Variants in RAPGEF2 observed in about 807,000 individuals in gnomAD.
RAPGEF2 encodes Rap guanine nucleotide exchange factor 2.
Under a neutral mutation model 186.7 loss-of-function variants are expected in RAPGEF2, and 54 were observed. The observed-to-expected ratio is 0.29, with a 90% confidence interval of 0.23 to 0.36. The LOEUF (loss-of-function observed/expected upper bound fraction) is 0.36. Ranked by LOEUF, RAPGEF2 falls within the 10% of genes least tolerant of loss-of-function variation. The pLI is 1.00. For synonymous variants in RAPGEF2, 712 were observed against 705.9 expected (o/e 1.01, Z -0.14); for missense variants, 1,532 against 2,045.0 (o/e 0.75, Z 4.84).
intron 7 of RAPGEF2, among the ~76,000 whole-genome samples, chr4:159,260,992 C>T (rs1362117014): frequency 6.6e-6 from 1 of 152,092 alleles, no homozygotes; most frequent in Non-Finnish European, 1.5e-5. Flanking sequence ...TCAGGTGATT[C>T]TTCCGCCTCG....
At chr4:159,104,746 G>A (rs1489713939) in intron 1 of RAPGEF2, among the ~76,000 whole-genome samples, 1 of 152,110 alleles carries the variant, frequency 6.6e-6, no homozygotes, top group Admixed American at 6.5e-5. Context: ...GTGTTTGAAA[G>A]GTATAGGAGG....
intron 4 of RAPGEF2, among the ~76,000 whole-genome samples, chr4:159,212,804 G>C (rs1237814632): frequency 6.6e-6 from 1 of 152,132 alleles, no homozygotes; most frequent in Non-Finnish European, 1.5e-5. Context: ...AAATCCATAA[G>C]ACTGAAACCC....
chr4:159,131,435 A>G (rs894607274), intron 1 of RAPGEF2, among the ~76,000 whole-genome samples: 3 of 149,090 alleles, frequency 2.0e-5, no homozygotes, highest in South Asian at 2.1e-4. Flanking sequence ...AACGTTTAAG[A>G]TTGATTGATT....
chr4:159,316,522 T>G (rs113582646), intron 9 of RAPGEF2, among the ~76,000 whole-genome samples: 78 of 152,296 alleles, frequency 5.1e-4, no homozygotes, highest in East Asian at 2.1e-3. Flanking sequence ...TGTGTGTTCA[T>G]GTGTTCTCAT....
At chr4:159,296,658 T>C (rs1423160286) in intron 7 of RAPGEF2, among the ~76,000 whole-genome samples, 1 of 152,190 alleles carries the variant, frequency 6.6e-6, no homozygotes. Context: ...AAAAATTAAG[T>C]AAGCTAATGT....
chr4:159,114,566 C>T (rs1452435999), intron 1 of RAPGEF2, among the ~76,000 whole-genome samples: 2 of 152,094 alleles, frequency 1.3e-5, no homozygotes, highest in East Asian at 3.8e-4. Context: ...CACCTTTATT[C>T]CTACCTGAAT....
Position 159,193,201 on chromosome 4 carries a change from T to C in RAPGEF2, c.142T>C (p.Leu48=). ...CTCATGTTTTTATCTCTTTTACAGGTTAATGTGTGAAACTGTGAGATATGA... is the reference window on the plus strand; with the variant it reads ...CTCATGTTTTTATCTCTTTTACAGGCTAATGTGTGAAACTGTGAGATATGA... ...LSNLREHQLR[L]MCETVRYERH... is the part of the protein sequence containing the mutation. Residue 48 remains leucine (L), a splice_region_variant and synonymous_variant, in exon 3 of 30, where the codon TTA becomes CTA. Transcript: ENST00000691494. 1 of 1,495,914 alleles carries C rather than the reference T, an allele frequency of 6.7e-7. No homozygotes were observed. Among genetic ancestry groups the C allele is most frequent in the South Asian group, 1.3e-5 (1 of 76,366 alleles). The allele number at this position is 1,495,914 out of a possible 1,614,324, so 92.7% of individuals were successfully genotyped here.
At chr4:159,178,642 C>T (rs1205060042) in intron 1 of RAPGEF2, among the ~76,000 whole-genome samples, 2 of 149,198 alleles carry the variant, frequency 1.3e-5, no homozygotes, top group African/African-American at 2.5e-5. Context: ...ACTGCAACCT[C>T]CACCTCCCGG....
Position 159,104,146 on chromosome 4 carries a change from C to G in RAPGEF2, c.-17C>G. The G allele has an allele frequency of 1.3e-6, 2 of 1,516,150 alleles. No homozygotes were observed. Among genetic ancestry groups the G allele is most frequent in the Non-Finnish European group, 1.8e-6 (2 of 1,135,952 alleles). 93.9% of individuals were successfully genotyped at this position (1,516,150 alleles called of 1,614,324 possible). On this transcript the variant is annotated 5_prime_UTR_variant, in exon 1 of 30. Transcript: ENST00000691494. ...GGCCAGGGTGCGGAGCGGCCCCGGC[C>G]CGCTCCCAGAGGGGAGATGGCGTCC... is the stretch of plus-strand genomic sequence containing the variant.
At chr4:159,146,776 T>C (rs1301588199) in intron 1 of RAPGEF2, among the ~76,000 whole-genome samples, 1 of 152,188 alleles carries the variant, frequency 6.6e-6, no homozygotes, top group African/African-American at 2.4e-5. Context: ...CTCCCAGCTT[T>C]TCTTTGGTAT....
intron 7 of RAPGEF2, among the ~76,000 whole-genome samples, chr4:159,295,772 C>T (rs1280778739): frequency 3.4e-5 from 5 of 146,908 alleles, no homozygotes; most frequent in East Asian, 2.0e-4. Context: ...CGCGCGCGCG[C>T]GCATGCACAT....
intron 1 of RAPGEF2, among the ~76,000 whole-genome samples, chr4:159,114,715 A>G (rs1276424859): frequency 1.3e-5 from 2 of 152,240 alleles, no homozygotes; most frequent in African/African-American, 4.8e-5. Flanking sequence ...CAAAATAGAA[A>G]AATTGTGGTA....
intron 7 of RAPGEF2, among the ~76,000 whole-genome samples, chr4:159,299,729 G>A (rs1486503119): frequency 2.0e-5 from 3 of 151,724 alleles, no homozygotes; most frequent in East Asian, 1.9e-4. Flanking sequence ...GTTCAAGATC[G>A]AGTTCATTTA....
chr4:159,206,334 G>C (rs961370227), intron 3 of RAPGEF2, among the ~76,000 whole-genome samples: 2 of 152,164 alleles, frequency 1.3e-5, no homozygotes, highest in Admixed American at 6.5e-5. Context: ...TCGTTGTGGT[G>C]CTGGAAGTTG....
intron 4 of RAPGEF2, among the ~76,000 whole-genome samples, chr4:159,231,314 A>G (rs888807273): frequency 6.6e-6 from 1 of 152,092 alleles, no homozygotes; most frequent in Non-Finnish European, 1.5e-5. Context: ...ATTTCCCAGA[A>G]CATATCTCCA....
chr4:159,185,471 A>G (rs1455043338), intron 1 of RAPGEF2, among the ~76,000 whole-genome samples: 1 of 152,228 alleles, frequency 6.6e-6, no homozygotes, highest in Non-Finnish European at 1.5e-5. Flanking sequence ...CTACAATGAA[A>G]TAATATTTGG....
At chr4:159,162,493 C>T (rs934721812) in intron 1 of RAPGEF2, among the ~76,000 whole-genome samples, 3 of 151,604 alleles carry the variant, frequency 2.0e-5, no homozygotes, top group Admixed American at 1.3e-4. Context: ...GAAGCATATT[C>T]GTAAATCTTT....
chr4:159,170,503 C>T (rs6851914), intron 1 of RAPGEF2, among the ~76,000 whole-genome samples: 73,157 of 151,986 alleles, frequency 0.48, 19,307 homozygotes, highest in African/African-American at 0.71. Flanking sequence ...GCATTAGATA[C>T]GATAAGTAAT....
intron 9 of RAPGEF2, among the ~76,000 whole-genome samples, chr4:159,316,699 T>A (rs1301503627): frequency 1.3e-5 from 2 of 152,244 alleles, no homozygotes; most frequent in Non-Finnish European, 2.9e-5. Flanking sequence ...TACCACATTT[T>A]CTTTATCCAT....
Sources: gnomAD v4.1 joint callset for allele counts (sites outside exome capture counted in the v4.1 genomes callset) on GRCh38, gnomAD v4.1.1 for gene constraint, MANE v1.5 for transcripts, NCBI Gene and HGNC (gene_info 2026-07-23, HGNC 2026-07-21) for gene names.